The following SEC16B variants were observed in gnomAD, a reference collection of about 807,000 sequenced individuals.
The protein encoded by SEC16B is protein transport protein Sec16B.
Under a neutral mutation model 141.8 loss-of-function variants are expected in SEC16B, and 115 were observed. The ratio of observed to expected loss-of-function variants is 0.81; its 90% confidence interval spans 0.70 to 0.95. SEC16B has a LOEUF of 0.95. Ranked by LOEUF, SEC16B falls within the 40% of genes least tolerant of loss-of-function variation. The pLI, the probability that SEC16B is intolerant of heterozygous loss-of-function variation, is 0.00. For synonymous variants in SEC16B, 493 were observed against 492.5 expected, an observed-to-expected ratio of 1.00 and a Z score of -0.01; for missense variants, 1,291 against 1,312.3, an observed-to-expected ratio of 0.98 and a Z score of 0.25.
upstream of SEC16B, among the ~76,000 whole-genome samples, chr1:177,974,280 C>A (rs955629186): frequency 6.6e-6 from 1 of 152,032 alleles, no homozygotes; most frequent in African/African-American, 2.4e-5. Flanking sequence ...CAAGAGAAAG[C>A]ATGGAGGAGA....
chr1:177,962,229 G>A (rs747316430), intron 5 of SEC16B, among the ~76,000 whole-genome samples: 4 of 151,778 alleles, frequency 2.6e-5, no homozygotes, highest in East Asian at 2.0e-4. Flanking sequence ...ACGCCACCAC[G>A]CCCAGCTGAT....
intron 13 of SEC16B, 62 bp from the exon 14 acceptor site, chr1:177,946,593 G>GTCTCCCATCCCACCCA: frequency 1.5e-6 from 2 of 1,301,026 alleles, no homozygotes; most frequent in Non-Finnish European, 2.2e-6. Flanking sequence ...GCCATCATCT[G>GTCTCCCATCCCACCCA]GGTGGGATGG....
At chr1:177,952,715 G>A (rs1652292020) in intron 11 of SEC16B, among the ~76,000 whole-genome samples, 1 of 152,248 alleles carries the variant, frequency 6.6e-6, no homozygotes, top group South Asian at 2.1e-4. Context: ...TACAATGTGG[G>A]GCTGTGGGAC....
intron 5 of SEC16B, 96 bp downstream of exon 5, chr1:177,964,075 G>C: frequency 1.2e-6 from 1 of 815,516 alleles, no homozygotes; most frequent in South Asian, 1.9e-5. Context: ...GCTGGCCACT[G>C]GACATCCATC....
chr1:177,932,371 C>T (rs1385575279), intron 24 of SEC16B, 119 bp downstream of exon 24: 1 of 708,302 alleles, frequency 1.4e-6, no homozygotes, highest in Non-Finnish European at 2.2e-6. Flanking sequence ...AGCAAACTAA[C>T]ACAGCAGAGA....
Position 177,931,885 on chromosome 1 carries a change from C to T in SEC16B, c.3012+605G>A, listed in dbSNP as rs142913004. Among the ~76,000 whole-genome samples the T allele has an allele frequency of 6.0e-3, 915 of 152,152 alleles. 12 individuals carry two copies. The highest frequency in any genetic ancestry group is 0.02 in the African/African-American group (848 of 41,490). On this transcript the variant is annotated intron_variant, in intron 24 of 25. Coordinates refer to ENST00000308284, the MANE Select transcript of SEC16B (RefSeq NM_033127.4). ...CATCAAGAATTTGTCACAGCCCTGG[C>T]CAAGGTCTCCAGTGAACTCCACCTC...
chr1:177,944,218 G>A (rs573846933), intron 15 of SEC16B, among the ~76,000 whole-genome samples: 49 of 152,328 alleles, frequency 3.2e-4, no homozygotes, highest in Admixed American at 2.7e-3. Flanking sequence ...GGACAGCTGC[G>A]GAGGCTCAGA....
chr1:177,961,404 T>C (rs1023011436), intron 6 of SEC16B, 186 bp downstream of exon 6: 1 of 589,286 alleles, frequency 1.7e-6, no homozygotes, highest in East Asian at 3.0e-5. Context: ...GAATCAGCTA[T>C]GATGCAATTA....
intron 1 of SEC16B, among the ~76,000 whole-genome samples, chr1:177,975,448 A>T (rs1654134991): frequency 6.6e-6 from 1 of 152,186 alleles, no homozygotes; most frequent in Admixed American, 6.5e-5. Flanking sequence ...GAGAAGGCTG[A>T]GGCAGTGAGT....
intron 22 of SEC16B, 128 bp from the exon 23 acceptor site, chr1:177,932,934 C>A (rs1650557444): frequency 3.5e-6 from 3 of 856,032 alleles, no homozygotes; most frequent in Admixed American, 2.1e-5. Context: ...CTCCCCAAAA[C>A]CCCCCTCCTC....
intron 1 of SEC16B, among the ~76,000 whole-genome samples, chr1:177,980,084 TA>T (rs1442546351): frequency 1.9e-4 from 29 of 152,128 alleles, no homozygotes; most frequent in Admixed American, 1.3e-4. Context: ...AGATTCTTTG[TA>T]TGCAACACTG....
chr1:177,977,357 G>A (rs910261365), intron 1 of SEC16B, among the ~76,000 whole-genome samples: 19 of 152,280 alleles, frequency 1.2e-4, no homozygotes, highest in Admixed American at 3.3e-4. Flanking sequence ...ACAGACTCAA[G>A]CCAAGGCCCT....
Position 177,963,279 on chromosome 1 carries a change from A to G in SEC16B, c.642+892T>C, listed in dbSNP as rs369034639. Among the ~76,000 whole-genome samples the G allele has an allele frequency of 5.9e-5, 9 of 151,986 alleles. 1 individual carries two copies. The East Asian group carries it at 1.6e-3, about 26-fold the overall frequency. ...TGACCTCATACAAACCTAATAAGGG[A>G]GACAAGATTAATACAAGACTTTCAA... On this transcript the variant is annotated intron_variant, in intron 5 of 25. Coordinates refer to ENST00000308284, the MANE Select transcript of SEC16B (RefSeq NM_033127.4).
At chr1:177,933,406 C>A (rs1374408461) in intron 21 of SEC16B, 78 bp downstream of exon 21, 8 of 1,570,594 alleles carry the variant, frequency 5.1e-6, no homozygotes, top group Middle Eastern at 1.7e-4. Context: ...AGAGCCCAGA[C>A]TTCCAAGTCT....
chr1:177,933,996 A>AC (rs1650653243), intron 20 of SEC16B, among the ~76,000 whole-genome samples: 2 of 146,882 alleles, frequency 1.4e-5, no homozygotes, highest in African/African-American at 2.5e-5. Flanking sequence ...AGCTCCCCCC[A>AC]AAAAAAAAAA....
chr1:177,944,213 G>A (rs1255872307), intron 15 of SEC16B, among the ~76,000 whole-genome samples: 1 of 152,210 alleles, frequency 6.6e-6, no homozygotes, highest in African/African-American at 2.4e-5. Context: ...CCACAGGACA[G>A]CTGCGGAGGC....
intron 10 of SEC16B, among the ~76,000 whole-genome samples, chr1:177,956,709 G>C (rs754973772): frequency 6.6e-6 from 1 of 152,084 alleles, no homozygotes; most frequent in Non-Finnish European, 1.5e-5. Flanking sequence ...TGCTTTATGA[G>C]TTTTTGACTT....
At chr1:177,942,822 A>G (rs1420571308) in intron 15 of SEC16B, among the ~76,000 whole-genome samples, 2 of 152,104 alleles carry the variant, frequency 1.3e-5, no homozygotes, top group Non-Finnish European at 2.9e-5. Flanking sequence ...GTTCAAATAA[A>G]AGCTCCATGC....
intron 1 of SEC16B, among the ~76,000 whole-genome samples, chr1:177,969,432 CT>C (rs987793005): frequency 6.6e-6 from 1 of 152,172 alleles, no homozygotes; most frequent in African/African-American, 2.4e-5. Flanking sequence ...CAATGACAGC[CT>C]TTGCCAGCAA....
Sources: gnomAD v4.1 joint callset for allele counts (sites outside exome capture counted in the v4.1 genomes callset) on GRCh38, gnomAD v4.1.1 for gene constraint, MANE v1.5 for transcripts, NCBI Gene and HGNC (gene_info 2026-07-23, HGNC 2026-07-21) for gene names.